Variants in PDE3B observed in about 807,000 individuals in gnomAD.
The protein encoded by PDE3B is cGMP-inhibited 3',5'-cyclic phosphodiesterase 3B.
Under a neutral mutation model 116.8 loss-of-function variants are expected in PDE3B, and 66 were observed. That is an observed-to-expected ratio of 0.56 (90% CI 0.46 to 0.69). The LOEUF (loss-of-function observed/expected upper bound fraction) is 0.69, where lower values mean the gene tolerates loss of function less well. Among genes scored for constraint, PDE3B ranks in the 30% least tolerant of loss-of-function variants. The pLI, the probability that PDE3B is intolerant of heterozygous loss-of-function variation, is 0.00. For synonymous variants in PDE3B, 595 were observed against 533.6 expected (o/e 1.12, Z -1.59); for missense variants, 1,384 against 1,368.1 (o/e 1.01, Z -0.18).
rs191385451 is a variant in PDE3B at position 14,673,964 on chromosome 11, G to A, written c.978+28911G>A. 641 of 1,356,060 alleles carry A rather than the reference G, an allele frequency of 4.7e-4. 5 individuals carry two copies. In the East Asian group the frequency reaches 8.0e-3, roughly 17 times the overall value. The allele number at this position is 1,356,060 out of a possible 1,614,324, so 84.0% of individuals were successfully genotyped here. On this transcript the variant is annotated intron_variant, in intron 1 of 15. Coordinates refer to ENST00000282096, the MANE Select transcript of PDE3B (RefSeq NM_000922.4). ...TTCCACCAGATTTCTTGTAATTTGC[G>A]TAATCCTCAAGAATGGAATCCACAT...
chr11:14,792,395 A>G (rs574373648), intron 4 of PDE3B, among the ~76,000 whole-genome samples: 57 of 149,512 alleles, frequency 3.8e-4, no homozygotes, highest in African/African-American at 1.4e-3. Flanking sequence ...AATGAAATAT[A>G]TATAAGGTAT....
chr11:14,674,850 G>T (rs1055153354), intron 1 of PDE3B, among the ~76,000 whole-genome samples: 6 of 152,114 alleles, frequency 3.9e-5, no homozygotes, highest in Non-Finnish European at 7.4e-5. Context: ...TAAAAATGAA[G>T]TTATGTTCAA....
At chr11:14,748,056 G>T (rs1389973389) in intron 1 of PDE3B, among the ~76,000 whole-genome samples, 2 of 152,194 alleles carry the variant, frequency 1.3e-5, no homozygotes, top group Admixed American at 6.5e-5. Context: ...TATTGTAAAT[G>T]AGTGTTATAA....
chr11:14,718,616 C>G (rs778361333), intron 1 of PDE3B, among the ~76,000 whole-genome samples: 101 of 150,166 alleles, frequency 6.7e-4, no homozygotes, highest in Non-Finnish European at 1.2e-3. Flanking sequence ...GATTAAGAAT[C>G]TCACTCAAAA....
At chr11:14,703,497 G>T (rs1022512843) in intron 1 of PDE3B, among the ~76,000 whole-genome samples, 1 of 151,266 alleles carries the variant, frequency 6.6e-6, no homozygotes, top group African/African-American at 2.4e-5. Context: ...GGCTGCTGGG[G>T]TTATTATGTC....
chr11:14,830,951 T>A (rs1056585524), intron 8 of PDE3B, 105 bp downstream of exon 8: 2 of 575,538 alleles, frequency 3.5e-6, no homozygotes, highest in Admixed American at 8.6e-5. Context: ...ATAGTAGTAT[T>A]TTTTAATTTT....
At chr11:14,880,056 T>C in the PDE3B span, 2 of 1,437,160 alleles carry the variant, frequency 1.4e-6, no homozygotes, top group African/African-American at 1.4e-5. Context: ...AGAAAATGTA[T>C]TGTGCATGGC....
Position 14,830,840 on chromosome 11 carries a change from A to G in PDE3B, c.1950A>G (p.Gln650=). 1 of 1,489,998 alleles carries G rather than the reference A, an allele frequency of 6.7e-7. No homozygotes were observed. 92.3% of individuals were successfully genotyped at this position (1,489,998 alleles called of 1,614,324 possible). A position where few individuals can be genotyped will look rare whatever the true frequency, so the allele number is the denominator to read the frequency against. ...CAGAAGAGGCACAGAGTGAACAGCA[A>G]ACAAATGTAAAAGATAAACTTTCAA... ...WLTEEAQSEQ[Q]TNIEQEVSLD... The change falls in exon 8 of 16, where the codon CAA becomes CAG. Residue 650 remains glutamine (Q), a synonymous_variant. Transcript: ENST00000282096.
intron 1 of PDE3B, among the ~76,000 whole-genome samples, chr11:14,646,046 T>C (rs1437510033): frequency 6.6e-6 from 1 of 152,168 alleles, no homozygotes; most frequent in Non-Finnish European, 1.5e-5. Flanking sequence ...TTCTGGGATT[T>C]GATTAGATTT....
intron 2 of PDE3B, 133 bp downstream of exon 2, chr11:14,772,120 A>T: frequency 2.1e-6 from 1 of 479,348 alleles, no homozygotes; most frequent in Non-Finnish European, 3.8e-6. Context: ...CTTTAACTAA[A>T]CTAATAAGTT....
the PDE3B span, among the ~76,000 whole-genome samples, chr11:14,879,727 A>G: frequency 6.6e-6 from 1 of 152,198 alleles, no homozygotes; most frequent in African/African-American, 2.4e-5. Context: ...TATATGCTAT[A>G]TATCTTGTTC....
At chr11:14,898,387 T>C in the PDE3B span, among the ~76,000 whole-genome samples, 2 of 152,140 alleles carry the variant, frequency 1.3e-5, no homozygotes, top group Non-Finnish European at 2.9e-5. Context: ...ACTTCTGCTG[T>C]CCAGGGGATG....
At chr11:14,695,540 G>A (rs1855181984) in intron 1 of PDE3B, among the ~76,000 whole-genome samples, 1 of 151,786 alleles carries the variant, frequency 6.6e-6, no homozygotes, top group African/African-American at 2.4e-5. Context: ...TTTAAGTTCT[G>A]GGGTACATGT....
intron 1 of PDE3B, among the ~76,000 whole-genome samples, chr11:14,702,339 T>C (rs1445376699): frequency 1.3e-5 from 2 of 151,886 alleles, no homozygotes; most frequent in Non-Finnish European, 2.9e-5. Context: ...CTTCCTAATT[T>C]CTTTTGGCAC....
Position 14,829,838 on chromosome 11 carries a change from T to G in PDE3B, c.1808-860T>G, listed in dbSNP as rs536884544. 2.6e-5 allele frequency among the ~76,000 whole-genome samples: 4 copies of G among 152,182 alleles called. No individual in the cohort carries two copies. The South Asian group carries it at 8.3e-4, about 32-fold the overall frequency. On this transcript the variant is annotated intron_variant, in intron 7 of 15. Coordinates refer to ENST00000282096, the MANE Select transcript of PDE3B (RefSeq NM_000922.4). ...AAACCTGCACATGTACCCCTGAACCTAAGATAAAAGTTGTTTTTTAAAAAA... is the reference window on the plus strand; with the variant it reads ...AAACCTGCACATGTACCCCTGAACCGAAGATAAAAGTTGTTTTTTAAAAAA...
At chr11:14,669,926 G>A (rs1330879868) in intron 1 of PDE3B, among the ~76,000 whole-genome samples, 1 of 152,146 alleles carries the variant, frequency 6.6e-6, no homozygotes, top group Non-Finnish European at 1.5e-5. Context: ...GTTAGTATTT[G>A]TAGACAAATG....
At chr11:14,879,146 G>A in the PDE3B span, 3 of 1,613,076 alleles carry the variant, frequency 1.9e-6, no homozygotes, top group Non-Finnish European at 2.5e-6. Flanking sequence ...TTCCTTCTTG[G>A]CAAAATATCC....
intron 5 of PDE3B, among the ~76,000 whole-genome samples, chr11:14,815,994 G>A (rs185397402): frequency 7.5e-4 from 114 of 151,976 alleles, no homozygotes; most frequent in African/African-American, 2.6e-3. Flanking sequence ...GAGAAAGTTT[G>A]TTTTAAGGGA....
Position 14,844,044 on chromosome 11 carries a change from G to C in PDE3B, c.2520+18G>C. 1 of 1,591,288 alleles carries C rather than the reference G, an allele frequency of 6.3e-7. No homozygotes were observed. Among genetic ancestry groups the C allele is most frequent in the Non-Finnish European group, 8.6e-7 (1 of 1,159,602 alleles). ...CCCCTCAGGTAGGAAATATTTTTAA[G>C]AACCTTTAAAGAGTAATTCTGAAAT... On this transcript the variant is annotated intron_variant, in intron 12 of 15. Transcript: ENST00000282096.
Sources: gnomAD v4.1 joint callset for allele counts (sites outside exome capture counted in the v4.1 genomes callset) on GRCh38, gnomAD v4.1.1 for gene constraint, MANE v1.5 for transcripts, NCBI Gene and HGNC (gene_info 2026-07-23, HGNC 2026-07-21) for gene names.